Variants in ASXL2 observed in about 807,000 individuals in gnomAD.
ASXL2 encodes the protein ASXL transcriptional regulator 2, also known as putative Polycomb group protein ASXL2.
A neutral mutation model predicts 122.0 loss-of-function variants in ASXL2; 23 were observed. The ratio of observed to expected loss-of-function variants is 0.19; its 90% CI spans 0.14 to 0.27. ASXL2 has a LOEUF of 0.27. Among genes scored for constraint, ASXL2 ranks in the 10% least tolerant of loss-of-function variants. ASXL2 has a pLI of 1.00. For missense variants in ASXL2, 1,518 were observed against 1,713.8 expected (o/e 0.89, Z 2.02); for synonymous variants, 650 against 637.0 (o/e 1.02, Z -0.31).
intron 1 of ASXL2, among the ~76,000 whole-genome samples, chr2:25,872,387 G>GA (rs1277474180): frequency 8.1e-5 from 12 of 147,740 alleles, no homozygotes; most frequent in South Asian, 2.1e-4. Context: ...GTCTCAAGGA[G>GA]AAAAAAAAAA....
At chr2:25,828,590 C>A (rs1251926234) in intron 3 of ASXL2, among the ~76,000 whole-genome samples, 3 of 150,750 alleles carry the variant, frequency 2.0e-5, no homozygotes, top group African/African-American at 7.3e-5. Flanking sequence ...CCTTGGGAGA[C>A]CAAGGTGGGC....
At chr2:25,745,401 T>C (rs1336834049) in intron 12 of ASXL2, among the ~76,000 whole-genome samples, 1 of 150,866 alleles carries the variant, frequency 6.6e-6, no homozygotes, top group Non-Finnish European at 1.5e-5. Context: ...TTAGTAGAGA[T>C]GGGGTTTCAC....
At chr2:25,849,157 G>A (rs1318929124) in intron 1 of ASXL2, among the ~76,000 whole-genome samples, 1 of 143,168 alleles carries the variant, frequency 7.0e-6, no homozygotes, top group East Asian at 2.1e-4. Flanking sequence ...TTTTTTTTAG[G>A]CCAGGAACAG....
At chr2:25,812,728 T>C (rs1169925535) in intron 3 of ASXL2, among the ~76,000 whole-genome samples, 1 of 152,158 alleles carries the variant, frequency 6.6e-6, no homozygotes, top group East Asian at 1.9e-4. Flanking sequence ...ATTTACTCCA[T>C]CATTGAAAGC....
chr2:25,866,570 C>T (rs1307088860), intron 1 of ASXL2, among the ~76,000 whole-genome samples: 1 of 152,158 alleles, frequency 6.6e-6, no homozygotes, highest in Non-Finnish European at 1.5e-5. Context: ...CTGAGAAATA[C>T]ATATGAAGCA....
intron 9 of ASXL2, 112 bp downstream of exon 9, chr2:25,759,370 A>G: frequency 1.7e-6 from 2 of 1,190,300 alleles, no homozygotes; most frequent in Non-Finnish European, 2.3e-6. Context: ...AAACCTGCCT[A>G]TTAAGAAACT....
intron 1 of ASXL2, among the ~76,000 whole-genome samples, chr2:25,852,106 A>T (rs2089723454): frequency 6.6e-6 from 1 of 152,222 alleles, no homozygotes; most frequent in Non-Finnish European, 1.5e-5. Flanking sequence ...CGTTAACCAC[A>T]GGAGGGCAGT....
chr2:25,767,730 G>T lies in ASXL2; in HGVS notation c.632-4C>A, dbSNP rs149555269. 617 of 1,613,006 alleles carry T rather than the reference G, an allele frequency of 3.8e-4. 9 individuals are homozygous for T. In the East Asian group the frequency reaches 0.014, roughly 36 times the overall value. On this transcript the variant is annotated splice_polypyrimidine_tract_variant and splice_region_variant and intron_variant, in intron 7 of 12. Coordinates refer to ENST00000435504, the MANE Select transcript of ASXL2 (RefSeq NM_018263.6). The stretch of plus-strand genomic sequence containing the variant: ...GATTGCTTTCCTTCCCATGTTGCTA[G>T]GAGAAAAAAATACGTATAAAGACTG...
intron 3 of ASXL2, among the ~76,000 whole-genome samples, chr2:25,831,517 G>T (rs2089450994): frequency 6.6e-6 from 1 of 151,986 alleles, no homozygotes; most frequent in Non-Finnish European, 1.5e-5. Context: ...AGATAGGCAT[G>T]GTGGTGCACA....
chr2:25,753,263 T>A (rs1240862452), intron 11 of ASXL2, among the ~76,000 whole-genome samples: 1 of 151,754 alleles, frequency 6.6e-6, no homozygotes, highest in Non-Finnish European at 1.5e-5. Context: ...TGCGCCCAGC[T>A]AAAAAATTTG....
chr2:25,806,285 C>T lies in ASXL2; in HGVS notation c.196G>A (p.Gly66Ser). 6.2e-7 allele frequency: 1 copy of T among 1,613,552 alleles called. No individual in the cohort carries two copies. The highest frequency in any genetic ancestry group is 8.5e-7 in the Non-Finnish European group (1 of 1,179,714). ...LNAMLHTNSR[G>S]EEGIFYKVPG... ...ACCTTATAGAAGATGCCCTCTTCAC[C>T]TCTGGAGTTTGTGTGAAGCATTGCA... Residue 66 changes from glycine to serine, a missense_variant, in exon 4 of 13, where the codon GGT becomes AGT. Physicochemically the swap from Gly to Ser is moderately conservative, Grantham distance 56. Transcript: ENST00000435504.
In ASXL2 at chr2:25,806,337, A is replaced by G. The variant is rs373235127; in HGVS notation, c.144T>C (p.Ser48=). ...TCAGGCATGCAAGAGGAGAAGTCCC[A>G]CTGCAAAACAAAGAAGAGATGTGAT... ...IQREGLKEIR[S]GTSPLACLNA... Residue 48 remains serine, a splice_region_variant and synonymous_variant, in exon 4 of 13, where the codon AGT becomes AGC. Coordinates refer to ENST00000435504, the MANE Select transcript of ASXL2 (RefSeq NM_018263.6). The G allele has an allele frequency of 4.4e-6, 7 of 1,603,890 alleles. No homozygotes were observed. The highest frequency in any genetic ancestry group is 5.1e-6 in the Non-Finnish European group (6 of 1,172,922).
intron 7 of ASXL2, 112 bp downstream of exon 7, chr2:25,768,630 G>GTGTA (rs1484120709): frequency 4.6e-5 from 55 of 1,188,398 alleles, no homozygotes; most frequent in Non-Finnish European, 6.0e-5. Flanking sequence ...TACAAGGATT[G>GTGTA]TGTAAGTAAA....
chr2:25,848,860 A>G (rs1289455707), intron 1 of ASXL2, among the ~76,000 whole-genome samples: 2 of 150,400 alleles, frequency 1.3e-5, no homozygotes, highest in South Asian at 2.1e-4. Context: ...AGCCTGGCCA[A>G]TGTGGTGAAA....
chr2:25,739,240 GATTGGGATGAAAGGTAAAACAA>G lies in ASXL2; in HGVS notation c.*2767_*2788del. 6.4e-6 allele frequency: 1 copy of G among 157,266 alleles called. No individual in the cohort carries two copies. The highest frequency in any genetic ancestry group is 2.0e-4 in the South Asian group (1 of 4,884). 9.7% of individuals were successfully genotyped at this position (157,266 alleles called of 1,614,324 possible). A position where few individuals can be genotyped will look rare whatever the true frequency, so the allele number is the denominator to read the frequency against. The stretch of plus-strand genomic sequence containing the variant: ...GCTCAGCATTTATTAAAACTTTTCA[GATTGGGATGAAAGGTAAAACAA>G]CTCAAAAAACTAAGGTAAAGATTGC... On this transcript the variant is annotated 3_prime_UTR_variant, in exon 13 of 13. Transcript: ENST00000435504.
intron 5 of ASXL2, among the ~76,000 whole-genome samples, chr2:25,790,309 G>A (rs1399148006): frequency 2.9e-5 from 4 of 139,292 alleles, no homozygotes; most frequent in Non-Finnish European, 4.6e-5. Context: ...GATATGAGTC[G>A]CAGTTGCGGG....
At chr2:25,814,045 G>A (rs913529126) in intron 3 of ASXL2, among the ~76,000 whole-genome samples, 2 of 151,550 alleles carry the variant, frequency 1.3e-5, no homozygotes, top group Admixed American at 1.3e-4. Context: ...GCGAGACTCC[G>A]TCTCAAAAAA....
Position 25,739,740 on chromosome 2 carries a change from C to T in ASXL2, c.*2289G>A, listed in dbSNP as rs1300019392. ...CTTTCCTAGTTATAGTCTGTTCATC[C>T]CTAAGTTAAGGGTAGCACAGAGGAA... On this transcript the variant is annotated 3_prime_UTR_variant, in exon 13 of 13. Transcript: ENST00000435504. 4.7e-6 allele frequency: 1 copy of T among 214,922 alleles called. No individual in the cohort carries two copies. The highest frequency in any genetic ancestry group is 2.3e-5 in the African/African-American group (1 of 44,338). 13.3% of individuals were successfully genotyped at this position (214,922 alleles called of 1,614,324 possible).
intron 3 of ASXL2, among the ~76,000 whole-genome samples, chr2:25,812,850 A>G (rs956686194): frequency 6.6e-6 from 1 of 152,222 alleles, no homozygotes; most frequent in African/African-American, 2.4e-5. Context: ...CAGCTAAAAG[A>G]GTGCTAAGTT....
Sources: gnomAD v4.1 joint callset for allele counts (sites outside exome capture counted in the v4.1 genomes callset) on GRCh38, gnomAD v4.1.1 for gene constraint, MANE v1.5 for transcripts, NCBI Gene and HGNC (gene_info 2026-07-23, HGNC 2026-07-21) for gene names.